MAP1B: variants seen among roughly 807,000 people sequenced by gnomAD.
MAP1B encodes the protein microtubule-associated protein 1B.
In MAP1B, 12 loss-of-function variants were observed where a neutral mutation model predicts 176.1. The ratio of observed to expected loss-of-function variants is 0.07; its 90% confidence interval spans 0.04 to 0.11. MAP1B has a LOEUF of 0.11. Ranked by LOEUF, MAP1B falls within the 10% of genes least tolerant of loss-of-function variation. The probability of loss-of-function intolerance (pLI) is 1.00; values close to 1 mark genes in which losing one functional copy is unlikely to be tolerated. For missense variants in MAP1B, 2,523 were observed against 2,990.5 expected (o/e 0.84, Z 3.65); for synonymous variants, 1,044 against 1,135.0 (o/e 0.92, Z 1.61).
At chr5:72,167,217 T>A (rs1482212481) in intron 2 of MAP1B, among the ~76,000 whole-genome samples, 1 of 152,190 alleles carries the variant, frequency 6.6e-6, no homozygotes, top group African/African-American at 2.4e-5. Flanking sequence ...GGAAAATAAT[T>A]GAGCAGAATT....
At chr5:72,132,992 G>A (rs190379841) in intron 2 of MAP1B, among the ~76,000 whole-genome samples, 2 of 152,076 alleles carry the variant, frequency 1.3e-5, no homozygotes, top group African/African-American at 2.4e-5. Flanking sequence ...GCCCACTTGG[G>A]AGCTGGCAAT....
intron 2 of MAP1B, among the ~76,000 whole-genome samples, chr5:72,125,365 C>T (rs1293235145): frequency 6.6e-6 from 1 of 152,060 alleles, no homozygotes. Context: ...AGAGAGAAAA[C>T]CTTATCTGTT....
chr5:72,195,452 G>A lies in MAP1B; in HGVS notation c.2097G>A (p.Glu699=), dbSNP rs772327043. 1.6e-5 allele frequency: 25 copies of A among 1,581,034 alleles called. No homozygotes were observed. Among genetic ancestry groups the A allele is most frequent in the Non-Finnish European group, 1.9e-5 (22 of 1,167,086 alleles). ...KKEEKKEPKK[E]VKKETPPKEV... ...AAGAGAAAAAAGAACCCAAGAAAGA[G>A]GTTAAGAAAGAAACACCGCCAAAGG... Residue 699 remains glutamate, a synonymous_variant, in exon 5 of 7, where the codon GAG becomes GAA. Coordinates refer to ENST00000296755, the MANE Select transcript of MAP1B (RefSeq NM_005909.5).
At chr5:72,148,746 T>C (rs1746090514) in intron 2 of MAP1B, among the ~76,000 whole-genome samples, 1 of 152,254 alleles carries the variant, frequency 6.6e-6, no homozygotes, top group African/African-American at 2.4e-5. Context: ...CCTTGCTCTT[T>C]AATGCTCTTC....
intron 2 of MAP1B, among the ~76,000 whole-genome samples, chr5:72,120,485 C>T (rs893213268): frequency 6.7e-5 from 10 of 148,898 alleles, no homozygotes; most frequent in South Asian, 2.1e-4. Flanking sequence ...AGTGCAGTGG[C>T]GCAATCTCGG....
intron 2 of MAP1B, among the ~76,000 whole-genome samples, chr5:72,171,643 C>G (rs1434868705): frequency 1.3e-5 from 2 of 151,986 alleles, no homozygotes; most frequent in Non-Finnish European, 2.9e-5. Context: ...TCAATCAAAC[C>G]CAAATGGGAG....
chr5:72,136,837 T>G (rs1745845660), intron 2 of MAP1B, among the ~76,000 whole-genome samples: 1 of 152,206 alleles, frequency 6.6e-6, no homozygotes, highest in Non-Finnish European at 1.5e-5. Context: ...ATATGGGTGC[T>G]TAAATAATAT....
At position 72,198,977 on chromosome 5, in the gene MAP1B, G is replaced by T; in HGVS notation, c.5622G>T (p.Lys1874Asn). The change falls in exon 5 of 7, where the codon AAG becomes AAT. Residue 1874 changes from lysine (K) to asparagine (N), a missense_variant. This residue lies in a region of MAP1B where 1,925 missense variants were observed against 2,126.0 expected (regional missense o/e 0.91). Coordinates refer to ENST00000296755, the MANE Select transcript of MAP1B (RefSeq NM_005909.5). ...TPGDFSYAYQ[K>N]PEETTRSPDE... ...GTGACTTTAGCTATGCCTATCAAAA[G>T]CCTGAGGAAACAACCAGGTCCCCAG... 2 of 1,614,196 alleles carry T rather than the reference G, an allele frequency of 1.2e-6. No homozygotes were observed. The highest frequency in any genetic ancestry group is 2.2e-5 in the South Asian group (2 of 91,086).
At chr5:72,170,329 G>C (rs1383062924) in intron 2 of MAP1B, among the ~76,000 whole-genome samples, 3 of 152,148 alleles carry the variant, frequency 2.0e-5, no homozygotes, top group African/African-American at 4.8e-5. Flanking sequence ...AAAAACAATG[G>C]TATGAAGGGA....
At position 72,197,308 on chromosome 5, in the gene MAP1B, T is replaced by C; in HGVS notation, c.3953T>C (p.Leu1318Pro). 6.2e-7 allele frequency: 1 copy of C among 1,614,176 alleles called. No homozygotes were observed. The highest frequency in any genetic ancestry group is 8.5e-7 in the Non-Finnish European group (1 of 1,179,994). ...EHCASPEDKT[L>P]EVVSPSQSVT... ...TGTGCTAGTCCTGAGGACAAGACTC[T>C]GGAAGTGGTGTCACCATCTCAGTCC... The change falls in exon 5 of 7, where the codon CTG becomes CCG. Residue 1318 changes from leucine to proline, a missense_variant. Around this residue, in one of 4 missense-constraint regions of MAP1B, gnomAD observed 1,925 missense variants for 2,126.0 expected, o/e 0.91. Coordinates refer to ENST00000296755, the MANE Select transcript of MAP1B (RefSeq NM_005909.5).
intron 5 of MAP1B, among the ~76,000 whole-genome samples, chr5:72,200,838 ATTT>A (rs1216210587): frequency 1.3e-5 from 2 of 152,114 alleles, no homozygotes; most frequent in African/African-American, 4.8e-5. Context: ...TTTAAAAAAA[ATTT>A]TTTTTAAATT....
chr5:72,140,415 TAAG>T (rs1352932167), intron 2 of MAP1B, among the ~76,000 whole-genome samples: 1 of 152,248 alleles, frequency 6.6e-6, no homozygotes, highest in African/African-American at 2.4e-5. Context: ...TCTATACTAT[TAAG>T]AAACACTGGC....
Position 72,165,093 on chromosome 5 carries a change from T to C in MAP1B, c.287-18650T>C, listed in dbSNP as rs144904228. ...ACAGGACCCACTGAAGCCTACACTTTACAAATAAAAGGTAATTTTGTCAGC... is the reference window on the plus strand; with the variant it reads ...ACAGGACCCACTGAAGCCTACACTTCACAAATAAAAGGTAATTTTGTCAGC... On this transcript the variant is annotated intron_variant, in intron 2 of 6. Transcript: ENST00000296755. Among the ~76,000 whole-genome samples the C allele has an allele frequency of 5.9e-5, 9 of 152,354 alleles. No individual in the cohort carries two copies. The East Asian group carries it at 1.7e-3, about 29-fold the overall frequency.
chr5:72,154,864 G>C (rs1746200830), intron 2 of MAP1B, among the ~76,000 whole-genome samples: 1 of 152,206 alleles, frequency 6.6e-6, no homozygotes, highest in South Asian at 2.1e-4. Flanking sequence ...CTTCTTCAGA[G>C]TGTCTTCTAA....
chr5:72,108,607 A>G (rs901249464), intron 1 of MAP1B, among the ~76,000 whole-genome samples: 30 of 152,132 alleles, frequency 2.0e-4, no homozygotes, highest in Non-Finnish European at 2.2e-4. Flanking sequence ...CGGCGGGCAC[A>G]GCCTCGGGCG....
intron 2 of MAP1B, among the ~76,000 whole-genome samples, chr5:72,138,186 GT>G (rs763104361): frequency 6.6e-6 from 1 of 152,176 alleles, no homozygotes; most frequent in African/African-American, 2.4e-5. Flanking sequence ...AAAAATAGGT[GT>G]AGGATATGAA....
chr5:72,199,971 C>G lies in MAP1B; in HGVS notation c.6616C>G (p.Gln2206Glu), dbSNP rs1747293763. 6.2e-7 allele frequency: 1 copy of G among 1,614,098 alleles called. No individual in the cohort carries two copies. The highest frequency in any genetic ancestry group is 1.3e-5 in the African/African-American group (1 of 74,928). ...KHMDPPPAPVQDRSPSPRHPD... is the reference protein window; with the variant it reads ...KHMDPPPAPVEDRSPSPRHPD... ...CATGGACCCACCTCCAGCTCCCGTG[C>G]AAGACCGCAGCCCTTCGCCACGCCA... is the stretch of plus-strand genomic sequence containing the variant. The change falls in exon 5 of 7, where the codon CAA becomes GAA. Residue 2206 changes from glutamine to glutamate, a missense_variant. By Grantham distance (29) the Gln-to-Glu change is conservative (BLOSUM62 2). Around this residue, in one of 4 missense-constraint regions of MAP1B, gnomAD observed 287 missense variants for 401.5 expected, o/e 0.71. Transcript: ENST00000296755. The surrounding 1 kb of genome is among the most constrained non-coding windows in gnomAD (Gnocchi z 4.2).
At chr5:72,112,052 A>C (rs530220030) in intron 1 of MAP1B, among the ~76,000 whole-genome samples, 3 of 152,192 alleles carry the variant, frequency 2.0e-5, no homozygotes, top group Non-Finnish European at 4.4e-5. Flanking sequence ...CATTTCCTTT[A>C]GTTCATTTAT....
chr5:72,124,137 T>A (rs536943057), intron 2 of MAP1B, among the ~76,000 whole-genome samples: 1 of 152,284 alleles, frequency 6.6e-6, no homozygotes, highest in East Asian at 1.9e-4. Context: ...CCAGGACTAA[T>A]TAAATGCTAC....
Sources: allele counts gnomAD v4.1 joint callset (sites outside exome capture counted in the v4.1 genomes callset), GRCh38; gene constraint gnomAD v4.1.1; regional missense constraint gnomAD v4.1.1; non-coding constraint Gnocchi (gnomAD v3.1); transcripts MANE v1.5; gene names NCBI Gene and HGNC (gene_info 2026-07-23, HGNC 2026-07-21).